CPLANE1: variants seen among roughly 807,000 people sequenced by gnomAD.
CPLANE1 encodes the protein ciliogenesis and planar polarity effector 1.
Under a neutral mutation model 362.5 loss-of-function variants are expected in CPLANE1, and 263 were observed. The ratio of observed to expected loss-of-function variants is 0.73; its 90% CI spans 0.66 to 0.80. The LOEUF (loss-of-function observed/expected upper bound fraction) is 0.80. CPLANE1 is among the 30% of genes least tolerant of loss of function. CPLANE1 has a pLI of 0.00. For missense variants in CPLANE1, 3,461 were observed against 3,793.4 expected (o/e 0.91, Z 2.30); for synonymous variants, 1,212 against 1,302.6 (o/e 0.93, Z 1.50).
chr5:37,233,778 C>T (rs541261593), intron 8 of CPLANE1, among the ~76,000 whole-genome samples: 1 of 152,166 alleles, frequency 6.6e-6, no homozygotes, highest in South Asian at 2.1e-4. Context: ...CAAGAATCAG[C>T]CTTCAGGACC....
chr5:37,138,241 T>C (rs1050916813), intron 46 of CPLANE1, among the ~76,000 whole-genome samples: 3 of 152,222 alleles, frequency 2.0e-5, no homozygotes, highest in Admixed American at 6.5e-5. Flanking sequence ...TGCTTATATA[T>C]TTAGGATAGT....
In CPLANE1 at chr5:37,209,899, T is replaced by C. The variant is rs1007655984; in HGVS notation, c.2921-3474A>G. On this transcript the variant is annotated intron_variant, in intron 16 of 52. Transcript: ENST00000651892. This position sits in a 1 kb window ranked among gnomAD's most constrained non-coding sequence, Gnocchi z 4.6. ...TCTCTGGCTGAGAAGCTTCAGCTTA[T>C]TGATGATCAGTTTGCAGATGCTTAC... is the stretch of plus-strand genomic sequence containing the variant. 6 of 1,438,884 alleles carry C rather than the reference T, an allele frequency of 4.2e-6. No individual in the cohort carries two copies. Among genetic ancestry groups the C allele is most frequent in the Non-Finnish European group, 2.9e-6 (3 of 1,022,386 alleles). 89.1% of individuals were successfully genotyped at this position (1,438,884 alleles called of 1,614,324 possible).
chr5:37,224,105 T>G (rs1326461127), intron 14 of CPLANE1, 148 bp downstream of exon 14: 2 of 549,706 alleles, frequency 3.6e-6, no homozygotes, highest in African/African-American at 1.9e-5. Context: ...AAATTTAGAA[T>G]TATTTTTAAG....
chr5:37,239,359 C>T (rs899444280), intron 7 of CPLANE1, among the ~76,000 whole-genome samples: 3 of 151,880 alleles, frequency 2.0e-5, no homozygotes, highest in Admixed American at 6.6e-5. Context: ...GGTGGGAGAA[C>T]TGCTTGAGCT....
At chr5:37,148,308 T>C (rs775545742) in intron 42 of CPLANE1, 40 bp from the exon 43 acceptor site, 3 of 1,371,096 alleles carry the variant, frequency 2.2e-6, no homozygotes, top group African/African-American at 1.4e-5. Context: ...CAGTAATACT[T>C]TGATAATTTC....
At chr5:37,084,608 C>T in the CPLANE1 span, among the ~76,000 whole-genome samples, 45 of 151,904 alleles carry the variant, frequency 3.0e-4, no homozygotes, top group Admixed American at 2.2e-3. Context: ...AATGAAACCC[C>T]GTCTCTACTA....
intron 34 of CPLANE1, 54 bp downstream of exon 34, chr5:37,168,737 T>C: frequency 6.9e-7 from 1 of 1,442,830 alleles, no homozygotes. Context: ...ACTTATGGTA[T>C]GAAAAAAATA....
rs914383820 is a variant in CPLANE1 at position 37,234,511 on chromosome 5, A to AG, written c.939-3463_939-3462insC. Among the ~76,000 whole-genome samples, 192 of 152,060 alleles carry AG rather than the reference A, an allele frequency of 1.3e-3. 2 individuals carry two copies. Among genetic ancestry groups the AG allele is most frequent in the African/African-American group, 4.5e-3 (186 of 41,562 alleles). ...TCAGTCAGACAAAAATAAGAAAAAA[A>AG]AAAAAAGAATGAACAAAGCCTTCAA... On this transcript the variant is annotated intron_variant, in intron 8 of 52. Coordinates refer to ENST00000651892, the MANE Select transcript of CPLANE1 (RefSeq NM_001384732.1).
chr5:37,142,450 T>C lies in CPLANE1; in HGVS notation c.8492A>G (p.Asp2831Gly). 1 of 1,605,384 alleles carries C rather than the reference T, an allele frequency of 6.2e-7. No individual in the cohort carries two copies. Among genetic ancestry groups the C allele is most frequent in the East Asian group, 2.3e-5 (1 of 44,180 alleles). ...VRFLTHMDEEDQSDKKETSEP... is the reference protein window; with the variant it reads ...VRFLTHMDEEGQSDKKETSEP... ...TGAAGTCTCCTTTTTGTCACTTTGA[T>C]CTTCTTCATCCATATGGGTCAAAAA... The change falls in exon 44 of 53, where the codon GAT (aspartate) becomes GGT (glycine). Residue 2831 changes from aspartate to glycine, a missense_variant. By Grantham distance (94) the Asp-to-Gly change is moderately conservative (BLOSUM62 -1). This residue lies in a region of CPLANE1 where 3,380 missense variants were observed against 3,666.1 expected (regional missense o/e 0.92). Coordinates refer to ENST00000651892, the MANE Select transcript of CPLANE1 (RefSeq NM_001384732.1).
At chr5:37,233,594 A>G (rs972463035) in intron 8 of CPLANE1, among the ~76,000 whole-genome samples, 3 of 151,946 alleles carry the variant, frequency 2.0e-5, no homozygotes, top group Admixed American at 6.6e-5. Flanking sequence ...AGTCCCCCCA[A>G]ACCATCACAA....
intron 51 of CPLANE1, among the ~76,000 whole-genome samples, chr5:37,108,795 T>C (rs1041004714): frequency 2.6e-5 from 4 of 152,230 alleles, no homozygotes; most frequent in African/African-American, 9.6e-5. Context: ...CTCTGAGACC[T>C]GGGCCTTCCC....
In CPLANE1 at chr5:37,177,651, A is replaced by T; in HGVS notation, c.5870T>A (p.Ile1957Asn). 1 of 1,613,780 alleles carries T rather than the reference A, an allele frequency of 6.2e-7. No individual in the cohort carries two copies. Among genetic ancestry groups the T allele is most frequent in the Non-Finnish European group, 8.5e-7 (1 of 1,179,808 alleles). ...TTGTTCAGTCGATTTTTCCTCCATA[A>T]TTGTCTCCAGTGGTTCTTCCCTTTG... is the stretch of plus-strand genomic sequence containing the variant. The part of the protein sequence containing the change: ...QCQREEPLET[I>N]MEEKSTEQKG... Residue 1957 changes from isoleucine to asparagine, a missense_variant, in exon 30 of 53, where the codon ATT becomes AAT. Physicochemically the swap from Ile to Asn is moderately radical, Grantham distance 149. Transcript: ENST00000651892.
chr5:37,125,678 C>T (rs1763939727), intron 46 of CPLANE1, among the ~76,000 whole-genome samples: 1 of 152,198 alleles, frequency 6.6e-6, no homozygotes, highest in Admixed American at 6.5e-5. Context: ...CTTTTCCTAA[C>T]TCTCAGAAAA....
chr5:37,167,194 A>C lies in CPLANE1; in HGVS notation c.7253T>G (p.Ile2418Ser). ...AAACGCAATGAGGTTTTCAAGTGGGATAAGTTGTGTTTTTTTGCACTACAA... is the reference window on the plus strand; with the variant it reads ...AAACGCAATGAGGTTTTCAAGTGGGCTAAGTTGTGTTTTTTTGCACTACAA... Reference protein sequence around the residue: ...PENRCKKTQLIPLENLIAFKQ... With the variant: ...PENRCKKTQLSPLENLIAFKQ... The change falls in exon 35 of 53, where the codon ATC becomes AGC. Residue 2418 changes from isoleucine (I) to serine (S), a missense_variant. Transcript: ENST00000651892. 1 of 1,609,878 alleles carries C rather than the reference A, an allele frequency of 6.2e-7. No individual in the cohort carries two copies. Among genetic ancestry groups the C allele is most frequent in the Non-Finnish European group, 8.5e-7 (1 of 1,179,140 alleles).
At chr5:37,145,983 A>G (rs1771453439) in intron 43 of CPLANE1, among the ~76,000 whole-genome samples, 1 of 152,212 alleles carries the variant, frequency 6.6e-6, no homozygotes, top group South Asian at 2.1e-4. Flanking sequence ...AAAACAACAC[A>G]TTAAATGACA....
rs539789389 is a variant in CPLANE1 at position 37,226,699 on chromosome 5, C to A, written c.1896G>T (p.Trp632Cys). 195 of 1,550,346 alleles carry A rather than the reference C, an allele frequency of 1.3e-4. 2 individuals are homozygous for A. The South Asian group carries it at 2.3e-3, about 18-fold the overall frequency. The change falls in exon 12 of 53, where the codon TGG (tryptophan) becomes TGT (cysteine). Residue 632 changes from tryptophan (W) to cysteine (C), a missense_variant. Coordinates refer to ENST00000651892, the MANE Select transcript of CPLANE1 (RefSeq NM_001384732.1). ...GAAAAAGTTGAAAGATACAAAGTAT[C>A]CATGCATTATGTCTTGAGCTTTTGC... ...VLSKSSRHNA[W>C]ILCIFQLFHQ... is the part of the protein sequence containing the mutation.
intron 48 of CPLANE1, 34 bp downstream of exon 48, chr5:37,122,396 A>G (rs1425993806): frequency 6.4e-7 from 1 of 1,566,600 alleles, no homozygotes; most frequent in Admixed American, 1.7e-5. Flanking sequence ...AGGAAGTTAG[A>G]GAGAAAACAC....
At chr5:37,131,541 T>C (rs1187179437) in intron 46 of CPLANE1, among the ~76,000 whole-genome samples, 1 of 152,064 alleles carries the variant, frequency 6.6e-6, no homozygotes, top group Admixed American at 6.6e-5. Flanking sequence ...AAAAAATTTT[T>C]TTTTTTGAGA....
intron 46 of CPLANE1, among the ~76,000 whole-genome samples, chr5:37,134,752 T>A (rs1383541712): frequency 6.6e-6 from 1 of 152,044 alleles, no homozygotes; most frequent in Non-Finnish European, 1.5e-5. Flanking sequence ...GTGAAATCAT[T>A]CTAACTTTTT....
Sources: gnomAD v4.1 joint callset for allele counts (sites outside exome capture counted in the v4.1 genomes callset) on GRCh38, gnomAD v4.1.1 for gene constraint, gnomAD v4.1.1 regional missense constraint, Gnocchi (gnomAD v3.1) non-coding constraint, MANE v1.5 for transcripts, NCBI Gene and HGNC (gene_info 2026-07-23, HGNC 2026-07-21) for gene names.